The following ZNF385D variants were observed in gnomAD, a reference collection of about 807,000 sequenced individuals.
ZNF385D encodes zinc finger protein 385D.
Under a neutral mutation model 35.8 loss-of-function variants are expected in ZNF385D, and 15 were observed. That is an observed-to-expected ratio of 0.42 (90% CI 0.28 to 0.64). The LOEUF (loss-of-function observed/expected upper bound fraction) is 0.64, where lower values mean the gene tolerates loss of function less well. Ranked by LOEUF, ZNF385D falls within the 30% of genes least tolerant of loss-of-function variation. The pLI is 0.23. For synonymous variants in ZNF385D, 212 were observed against 186.8 expected (o/e 1.13, Z -1.10); for missense variants, 474 against 494.6 (o/e 0.96, Z 0.39).
At chr3:22,221,907 A>C (rs531927959) in intron 2 of ZNF385D, among the ~76,000 whole-genome samples, 1 of 152,292 alleles carries the variant, frequency 6.6e-6, no homozygotes, top group South Asian at 2.1e-4. Flanking sequence ...CCTTCAGTGA[A>C]TGCATACAGA....
chr3:21,441,597 T>A lies in ZNF385D; in HGVS notation c.440-4394A>T, dbSNP rs74570876. On this transcript the variant is annotated intron_variant, in intron 4 of 7. Transcript: ENST00000281523. The stretch of plus-strand genomic sequence containing the variant: ...GGCCCAAGCTAGAGTCAATTACGTA[T>A]ATCCAAATACCATAATGCTAAGGTA... 1.9e-3 allele frequency: 1,359 copies of A among 709,206 alleles called. 17 individuals carry two copies. In the African/African-American group the frequency reaches 0.024, roughly 13 times the overall value. The allele number at this position is 709,206 out of a possible 1,614,324, so 43.9% of individuals were successfully genotyped here. A position where few individuals can be genotyped will look rare whatever the true frequency, so the allele number is the denominator to read the frequency against.
intron 3 of ZNF385D, among the ~76,000 whole-genome samples, chr3:22,067,919 G>A (rs1033013789): frequency 1.3e-4 from 19 of 151,756 alleles, no homozygotes; most frequent in Non-Finnish European, 2.1e-4. Context: ...AGGCTGAGGC[G>A]GGAGAATTGC....
chr3:21,636,466 C>T (rs1355187683), intron 2 of ZNF385D, among the ~76,000 whole-genome samples: 2 of 138,280 alleles, frequency 1.4e-5, no homozygotes, highest in African/African-American at 2.7e-5. Flanking sequence ...CACAATAAGC[C>T]GTCTGCAAGC....
At chr3:21,607,830 G>A (rs1429366578) in intron 2 of ZNF385D, among the ~76,000 whole-genome samples, 1 of 152,026 alleles carries the variant, frequency 6.6e-6, no homozygotes, top group Non-Finnish European at 1.5e-5. Context: ...AGAGAAGAGA[G>A]TAAGCCATGT....
chr3:22,347,025 A>C (rs960519468), intron 2 of ZNF385D, among the ~76,000 whole-genome samples: 1 of 152,198 alleles, frequency 6.6e-6, no homozygotes. Flanking sequence ...GCCAACCCAC[A>C]TAATGTACAA....
At chr3:21,445,227 T>A (rs1253094486) in intron 4 of ZNF385D, among the ~76,000 whole-genome samples, 1 of 152,126 alleles carries the variant, frequency 6.6e-6, no homozygotes, top group Non-Finnish European at 1.5e-5. Flanking sequence ...ACAATGGGTC[T>A]CCCCTACAAC....
rs370716163 is a variant in ZNF385D at position 21,965,263 on chromosome 3, A to G, written c.325+203554T>C. On this transcript the variant is annotated intron_variant, in intron 3 of 5. Coordinates refer to the ZNF385D transcript ENST00000494108. ...TAGATTTGAAGTTGTAGCAAGGATT[A>G]AAAATTAAATAATATGCATCAAATG... 6.6e-5 allele frequency among the ~76,000 whole-genome samples: 10 copies of G among 152,210 alleles called. No homozygotes were observed. The East Asian group carries it at 7.7e-4, about 12-fold the overall frequency.
chr3:21,432,276 T>C (rs1701326737), intron 5 of ZNF385D, among the ~76,000 whole-genome samples: 1 of 152,172 alleles, frequency 6.6e-6, no homozygotes, highest in Admixed American at 6.6e-5. Context: ...CTTATCCTTC[T>C]TTTTTACATT....
intron 3 of ZNF385D, among the ~76,000 whole-genome samples, chr3:21,975,483 T>C (rs1018089804): frequency 1.4e-4 from 22 of 151,986 alleles, no homozygotes; most frequent in Non-Finnish European, 2.4e-4. Flanking sequence ...TAGTATTTGA[T>C]AGCACAACAA....
chr3:21,715,344 T>G (rs1375511463), intron 1 of ZNF385D, among the ~76,000 whole-genome samples: 2 of 152,132 alleles, frequency 1.3e-5, no homozygotes, highest in Non-Finnish European at 2.9e-5. Context: ...TGAGACCATG[T>G]GATATTTGTC....
At chr3:21,914,413 T>G (rs894988495) in intron 3 of ZNF385D, among the ~76,000 whole-genome samples, 2 of 151,838 alleles carry the variant, frequency 1.3e-5, no homozygotes, top group African/African-American at 4.8e-5. Flanking sequence ...CTTATCTCTT[T>G]TTTTCAAATA....
intron 3 of ZNF385D, among the ~76,000 whole-genome samples, chr3:22,072,288 T>C (rs187741921): frequency 2.0e-5 from 3 of 152,092 alleles, no homozygotes; most frequent in African/African-American, 4.8e-5. Context: ...CAACAGATGC[T>C]GTGACCTTAC....
At chr3:21,734,024 C>A (rs2069132369) in intron 1 of ZNF385D, among the ~76,000 whole-genome samples, 1 of 152,096 alleles carries the variant, frequency 6.6e-6, no homozygotes, top group African/African-American at 2.4e-5. Flanking sequence ...CGTCAGAACA[C>A]TCTTTTTTCA....
chr3:21,979,015 C>T (rs2125363161), intron 3 of ZNF385D, among the ~76,000 whole-genome samples: 1 of 152,250 alleles, frequency 6.6e-6, no homozygotes, highest in Non-Finnish European at 1.5e-5. Context: ...AATTCAGGCT[C>T]ACCAGCTCCA....
At chr3:21,758,675 C>T (rs2070455389) in intron 3 of ZNF385D, among the ~76,000 whole-genome samples, 2 of 152,068 alleles carry the variant, frequency 1.3e-5, no homozygotes, top group African/African-American at 4.8e-5. Flanking sequence ...TCCTGATCCC[C>T]TTGCAGTAAG....
intron 3 of ZNF385D, among the ~76,000 whole-genome samples, chr3:21,935,913 G>T (rs892273837): frequency 6.6e-6 from 1 of 152,108 alleles, no homozygotes; most frequent in African/African-American, 2.4e-5. Context: ...TGTCAGATTA[G>T]AGTCACATTT....
intron 3 of ZNF385D, among the ~76,000 whole-genome samples, chr3:22,033,135 C>T (rs569470422): frequency 4.6e-5 from 7 of 152,042 alleles, no homozygotes; most frequent in African/African-American, 9.7e-5. Flanking sequence ...GGCACAGTGG[C>T]GCACTCTTGT....
chr3:21,921,215 T>A, intron 3 of ZNF385D, among the ~76,000 whole-genome samples: 1 of 87,360 alleles, frequency 1.1e-5, no homozygotes, highest in African/African-American at 4.7e-5. Flanking sequence ...AGAGCGAGAC[T>A]CCATCTCAAA....
intron 2 of ZNF385D, among the ~76,000 whole-genome samples, chr3:22,194,994 C>G (rs1244180230): frequency 1.3e-5 from 2 of 151,442 alleles, no homozygotes; most frequent in Non-Finnish European, 3.0e-5. Flanking sequence ...GAATAAATAC[C>G]AAGGGCAATA....
Sources: gnomAD v4.1 joint callset for allele counts (sites outside exome capture counted in the v4.1 genomes callset) on GRCh38, gnomAD v4.1.1 for gene constraint, MANE v1.5 for transcripts, NCBI Gene and HGNC (gene_info 2026-07-23, HGNC 2026-07-21) for gene names.